SLC4A8: variants seen among roughly 807,000 people sequenced by gnomAD.
SLC4A8 encodes the protein electroneutral sodium bicarbonate exchanger 1.
SLC4A8 carries 40 observed loss-of-function variants against 125.0 expected under a neutral mutation model. That is an observed-to-expected ratio of 0.32 (90% confidence interval 0.25 to 0.42). The LOEUF (loss-of-function observed/expected upper bound fraction) is 0.42. Among genes scored for constraint, SLC4A8 ranks in the 10% least tolerant of loss-of-function variants. SLC4A8 has a pLI of 1.00. For synonymous variants in SLC4A8, 456 were observed against 476.0 expected, an observed-to-expected ratio of 0.96 and a Z score of 0.55; for missense variants, 863 against 1,355.1, an observed-to-expected ratio of 0.64 and a Z score of 5.70.
intron 22 of SLC4A8, among the ~76,000 whole-genome samples, chr12:51,503,681 C>T (rs1938035674): frequency 6.6e-6 from 1 of 152,256 alleles, no homozygotes; most frequent in South Asian, 2.1e-4. Context: ...GTTGAAGAAA[C>T]AGGGTCTTTG....
intron 16 of SLC4A8, among the ~76,000 whole-genome samples, chr12:51,475,620 C>G (rs1415634559): frequency 1.3e-5 from 2 of 152,158 alleles, no homozygotes; most frequent in Non-Finnish European, 2.9e-5. Flanking sequence ...CCAGGGATGG[C>G]TTTTTTAATA....
At chr12:51,436,706 A>G (rs1419610543) in intron 1 of SLC4A8, among the ~76,000 whole-genome samples, 2 of 152,152 alleles carry the variant, frequency 1.3e-5, no homozygotes, top group Non-Finnish European at 2.9e-5. Flanking sequence ...GGCTCACTGC[A>G]ATCTCTGCCT....
At chr12:51,434,249 T>C (rs1241262591) in intron 1 of SLC4A8, among the ~76,000 whole-genome samples, 1 of 152,154 alleles carries the variant, frequency 6.6e-6, no homozygotes, top group Non-Finnish European at 1.5e-5. Flanking sequence ...AAAATTTCAG[T>C]GTGTAGCCCT....
At chr12:51,435,893 G>A (rs1949392182) in intron 1 of SLC4A8, among the ~76,000 whole-genome samples, 1 of 152,004 alleles carries the variant, frequency 6.6e-6, no homozygotes, top group Non-Finnish European at 1.5e-5. Flanking sequence ...TTTCTCCAGG[G>A]AGCTCTGATT....
intron 1 of SLC4A8, among the ~76,000 whole-genome samples, chr12:51,411,942 G>T (rs1010893446): frequency 1.3e-5 from 2 of 151,862 alleles, no homozygotes; most frequent in Non-Finnish European, 2.9e-5. Flanking sequence ...TGTGCCTGTG[G>T]TTCCAGCTAC....
At position 51,485,853 on chromosome 12, in the gene SLC4A8, T is replaced by C. The variant is rs1234957454; in HGVS notation, c.2239T>C (p.Leu747=). Residue 747 remains leucine (L), a synonymous_variant, in exon 17 of 25, where the codon TTG becomes CTG. Transcript: ENST00000453097. The part of the protein sequence containing the change: ...TIFTMVIIDF[L]IGVPSPKLQV... ...CTTCACAATGGTGATTATTGATTTT[T>C]TGATTGGAGTCCCATCACCAAAGCT... 6.2e-6 allele frequency: 10 copies of C among 1,613,572 alleles called. No homozygotes were observed. The highest frequency in any genetic ancestry group is 8.5e-6 in the Non-Finnish European group (10 of 1,179,570).
At chr12:51,486,314 T>G (rs74905812) in intron 17 of SLC4A8, among the ~76,000 whole-genome samples, 2,847 of 152,108 alleles carry the variant, frequency 0.019, 76 homozygotes, top group African/African-American at 0.064. Context: ...ATGAAAAAGG[T>G]AAAGGACTTG....
Position 51,480,130 on chromosome 12 carries a change from G to A in SLC4A8, c.2172+4924G>A, listed in dbSNP as rs146572503. 5.2e-3 allele frequency: 2,242 copies of A among 429,586 alleles called. 48 individuals are homozygous for A. The highest frequency in any genetic ancestry group is 0.044 in the African/African-American group (2,067 of 46,728). 26.6% of individuals were successfully genotyped at this position (429,586 alleles called of 1,614,324 possible). ...TAATTTTTGTATTTTTAGTAGAGAC[G>A]GGGTTTCCCCATGTTGGCCAGGATG... On this transcript the variant is annotated intron_variant, in intron 16 of 24. Transcript: ENST00000453097.
chr12:51,494,126 G>A (rs1951395812), intron 20 of SLC4A8, among the ~76,000 whole-genome samples: 1 of 152,138 alleles, frequency 6.6e-6, no homozygotes. Context: ...TTTCACTCAT[G>A]GACAGATCTA....
At chr12:51,396,914 A>G (rs577821016) in intron 1 of SLC4A8, among the ~76,000 whole-genome samples, 1 of 146,578 alleles carries the variant, frequency 6.8e-6, no homozygotes, top group South Asian at 2.1e-4. Context: ...ATTTTACTTC[A>G]GCCTTAGTTA....
At chr12:51,458,707 C>G in intron 7 of SLC4A8, 57 bp downstream of exon 7, 1 of 1,209,632 alleles carries the variant, frequency 8.3e-7, no homozygotes, top group Middle Eastern at 1.9e-4. Flanking sequence ...TAGTGGAATC[C>G]AGAGTTTAAT....
intron 1 of SLC4A8, among the ~76,000 whole-genome samples, chr12:51,439,924 G>A (rs374765483): frequency 4.6e-5 from 7 of 152,296 alleles, no homozygotes; most frequent in African/African-American, 1.7e-4. Context: ...TTGAGGTGTG[G>A]CATCCTAGTG....
chr12:51,466,967 GTA>G (rs1327948335), intron 11 of SLC4A8, among the ~76,000 whole-genome samples: 8 of 137,058 alleles, frequency 5.8e-5, no homozygotes, highest in South Asian at 2.4e-4. Flanking sequence ...GTGTGTGTGT[GTA>G]TGTGTGTATG....
At chr12:51,458,525 G>A (rs1439478995) in intron 6 of SLC4A8, 34 bp from the exon 7 acceptor site, 6 of 1,469,400 alleles carry the variant, frequency 4.1e-6, no homozygotes, top group Non-Finnish European at 4.8e-6. Flanking sequence ...AAAAGGGCAG[G>A]GACTCAGGAT....
intron 23 of SLC4A8, 123 bp downstream of exon 23, chr12:51,504,243 G>T: frequency 1.5e-6 from 1 of 675,886 alleles, no homozygotes; most frequent in Non-Finnish European, 2.7e-6. Flanking sequence ...CAGCCTCCCA[G>T]TTCCATCCTG....
At chr12:51,452,612 A>G (rs1950003725) in intron 4 of SLC4A8, among the ~76,000 whole-genome samples, 1 of 152,198 alleles carries the variant, frequency 6.6e-6, no homozygotes, top group East Asian at 1.9e-4. Context: ...GACCTAGTTT[A>G]GCAGACATAG....
intron 22 of SLC4A8, among the ~76,000 whole-genome samples, chr12:51,500,226 T>A (rs1937790186): frequency 6.6e-6 from 1 of 152,208 alleles, no homozygotes; most frequent in Non-Finnish European, 1.5e-5. Context: ...TGGTAGACAT[T>A]ATATTCCTTA....
intron 10 of SLC4A8, chr12:51,462,663 C>A: frequency 2.9e-6 from 1 of 339,978 alleles, no homozygotes; most frequent in Non-Finnish European, 5.3e-6. Context: ...GACGCCGAGG[C>A]AGGTAGATCA....
chr12:51,447,946 C>T (rs932088915), intron 2 of SLC4A8, among the ~76,000 whole-genome samples: 2 of 151,768 alleles, frequency 1.3e-5, no homozygotes, highest in Non-Finnish European at 2.9e-5. Context: ...GTCTTGATCT[C>T]CTGACCTTGT....
Sources: allele counts gnomAD v4.1 joint callset (sites outside exome capture counted in the v4.1 genomes callset), GRCh38; gene constraint gnomAD v4.1.1; transcripts MANE v1.5; gene names NCBI Gene and HGNC (gene_info 2026-07-23, HGNC 2026-07-21).